Variants in TNRC6B observed in about 807,000 individuals in gnomAD.
The protein encoded by TNRC6B is trinucleotide repeat-containing gene 6B protein.
A neutral mutation model predicts 203.6 loss-of-function variants in TNRC6B; 52 were observed. The ratio of observed to expected loss-of-function variants is 0.26; its 90% CI spans 0.20 to 0.32. TNRC6B has a LOEUF of 0.32. TNRC6B is among the 10% of genes least tolerant of loss of function. The pLI, the probability that TNRC6B is intolerant of heterozygous loss-of-function variation, is 1.00. For missense variants in TNRC6B, 1,923 were observed against 2,286.2 expected (o/e 0.84, Z 3.24); for synonymous variants, 838 against 845.7 (o/e 0.99, Z 0.16).
At chr22:40,191,519 G>A (rs1359832555) in intron 1 of TNRC6B, among the ~76,000 whole-genome samples, 1 of 152,166 alleles carries the variant, frequency 6.6e-6, no homozygotes, top group Non-Finnish European at 1.5e-5. Context: ...CTCTTTGGAG[G>A]AGAGCAGAAG....
chr22:40,228,411 CAA>C (rs975171605), intron 1 of TNRC6B, among the ~76,000 whole-genome samples: 10 of 151,234 alleles, frequency 6.6e-5, no homozygotes, highest in African/African-American at 2.2e-4. Context: ...GCCTGGGCAA[CAA>C]GAGCAAAATT....
chr22:40,176,771 A>G (rs1187982635), upstream of TNRC6B, among the ~76,000 whole-genome samples: 1 of 152,178 alleles, frequency 6.6e-6, no homozygotes. Flanking sequence ...AGTAAAGGAT[A>G]TTATGGGAGT....
At chr22:40,300,775 G>A (rs375239798) in intron 13 of TNRC6B, 135 bp from the exon 14 acceptor site, 9 of 1,211,584 alleles carry the variant, frequency 7.4e-6, no homozygotes, top group Admixed American at 5.0e-5. Flanking sequence ...CCAAGAGACC[G>A]GGAATTTGGT....
At chr22:40,259,515 C>T (rs2070342467) in intron 3 of TNRC6B, among the ~76,000 whole-genome samples, 1 of 152,210 alleles carries the variant, frequency 6.6e-6, no homozygotes, top group Non-Finnish European at 1.5e-5. Context: ...AGCCATCGCG[C>T]CTGGCCGACT....
chr22:40,199,930 GC>G (rs1173472680), intron 1 of TNRC6B, among the ~76,000 whole-genome samples: 2 of 151,986 alleles, frequency 1.3e-5, no homozygotes, highest in Non-Finnish European at 2.9e-5. Flanking sequence ...CTCCCTACTA[GC>G]TGGGATTAAG....
In TNRC6B at chr22:40,265,170, C is replaced by G. The variant is rs1224645631; in HGVS notation, c.940C>G (p.Leu314Val). 6.2e-7 allele frequency: 1 copy of G among 1,613,994 alleles called. No individual in the cohort carries two copies. Among genetic ancestry groups the G allele is most frequent in the Admixed American group, 1.7e-5 (1 of 60,016 alleles). ...TAGCAACCCATCTGCCTGGCCAGCA[C>G]TGGTCCAAGAAGGAACTTCTAGGAA... The part of the protein sequence containing the change: ...PNSNPSAWPA[L>V]VQEGTSRKGA... The change falls in exon 5 of 23, where the codon CTG (leucine) becomes GTG (valine). Residue 314 changes from leucine (L) to valine (V), a missense_variant. This residue lies in a region of TNRC6B where 614 missense variants were observed against 587.7 expected (regional missense o/e 1.04). Transcript: ENST00000454349.
At chr22:40,278,480 C>G (rs1204083332) in intron 9 of TNRC6B, among the ~76,000 whole-genome samples, 1 of 151,428 alleles carries the variant, frequency 6.6e-6, no homozygotes, top group Non-Finnish European at 1.5e-5. Context: ...ATGGCGTGAA[C>G]CCAGGAGGCA....
chr22:40,222,828 C>T (rs923546274), intron 1 of TNRC6B, among the ~76,000 whole-genome samples: 5 of 137,024 alleles, frequency 3.6e-5, no homozygotes, highest in African/African-American at 1.4e-4. Flanking sequence ...GCACCCTTAC[C>T]TTTGCCTCCC....
intron 4 of TNRC6B, among the ~76,000 whole-genome samples, chr22:40,162,284 C>G (rs190050133): frequency 2.6e-4 from 39 of 152,034 alleles, no homozygotes; most frequent in Non-Finnish European, 1.6e-4. Flanking sequence ...TTAGTAGAGA[C>G]GGGGTTTCAC....
At chr22:40,093,870 A>C (rs943247211) in intron 1 of TNRC6B, among the ~76,000 whole-genome samples, 7 of 152,194 alleles carry the variant, frequency 4.6e-5, no homozygotes, top group African/African-American at 1.7e-4. Flanking sequence ...AGATAAAATG[A>C]ATATGATCTA....
intron 1 of TNRC6B, among the ~76,000 whole-genome samples, chr22:40,100,865 A>G (rs2068233891): frequency 6.6e-6 from 1 of 152,216 alleles, no homozygotes; most frequent in South Asian, 2.1e-4. Flanking sequence ...AGTAACACCT[A>G]GAGATAGGTT....
At position 40,204,787 on chromosome 22, in the gene TNRC6B, C is replaced by G. The variant is rs559699274; in HGVS notation, c.5+26647C>G. ...CATTGTTCTGTCTCTGCTGCTGCTG[C>G]TGCTTTTTCTATTTTTAATAAGTTG... On this transcript the variant is annotated intron_variant, in intron 1 of 22. Coordinates refer to ENST00000454349, the MANE Select transcript of TNRC6B (RefSeq NM_001162501.2). Among the ~76,000 whole-genome samples the G allele has an allele frequency of 2.6e-5, 4 of 152,302 alleles. No individual in the cohort carries two copies. The East Asian group carries it at 5.8e-4, about 22-fold the overall frequency.
intron 2 of TNRC6B, among the ~76,000 whole-genome samples, chr22:40,119,094 T>C (rs2068419239): frequency 6.6e-6 from 1 of 152,126 alleles, no homozygotes; most frequent in African/African-American, 2.4e-5. Flanking sequence ...CTTGAAAATA[T>C]TAACATATTT....
intron 2 of TNRC6B, among the ~76,000 whole-genome samples, chr22:40,117,829 T>A (rs2068404279): frequency 6.6e-6 from 1 of 152,170 alleles, no homozygotes; most frequent in Non-Finnish European, 1.5e-5. Context: ...CCTGTTGTTA[T>A]TACAGTAATA....
intron 1 of TNRC6B, among the ~76,000 whole-genome samples, chr22:40,206,207 A>G (rs1394538931): frequency 7.9e-5 from 12 of 152,148 alleles, no homozygotes; most frequent in Non-Finnish European, 2.9e-5. Context: ...AAAATATCTG[A>G]TTTCTGTATG....
chr22:40,082,575 T>C (rs1326542330), intron 1 of TNRC6B, among the ~76,000 whole-genome samples: 2 of 152,234 alleles, frequency 1.3e-5, no homozygotes, highest in Non-Finnish European at 2.9e-5. Flanking sequence ...TGTTGAAGAC[T>C]TACAGCAGGG....
Position 40,266,486 on chromosome 22 carries a change from A to G in TNRC6B, c.2256A>G (p.Glu752=), listed in dbSNP as rs1329685470. ...WSSGKNGWGE[E]VDQTKNSNWE... is the part of the protein sequence containing the mutation. Reference sequence around the variant, plus strand: ...CTGGAAAGAATGGTTGGGGGGAGGAAGTCGATCAGACAAAAAACAGCAATT... The same window carrying G: ...CTGGAAAGAATGGTTGGGGGGAGGAGGTCGATCAGACAAAAAACAGCAATT... Residue 752 remains glutamate, a synonymous_variant, in exon 5 of 23, where the codon GAA becomes GAG. Coordinates refer to ENST00000454349, the MANE Select transcript of TNRC6B (RefSeq NM_001162501.2). 1 of 1,613,790 alleles carries G rather than the reference A, an allele frequency of 6.2e-7. No homozygotes were observed. Among genetic ancestry groups the G allele is most frequent in the African/African-American group, 1.3e-5 (1 of 75,024 alleles).
chr22:40,202,738 G>T (rs2069430210), intron 1 of TNRC6B, among the ~76,000 whole-genome samples: 1 of 152,102 alleles, frequency 6.6e-6, no homozygotes, highest in South Asian at 2.1e-4. Context: ...CATGTGTCGA[G>T]TGCCTGCTGG....
chr22:40,312,556 C>A lies in TNRC6B; in HGVS notation c.4487C>A (p.Ser1496Tyr), dbSNP rs1250157994. ...GGTATCCAAAACATTGACCCTGAAT[C>A]TGACCCCTATGTCACCCCAGGAAGT... ...WKGIQNIDPE[S>Y]DPYVTPGSVL... The change falls in exon 18 of 23, where the codon TCT becomes TAT. Residue 1496 changes from serine to tyrosine, a missense_variant. Physicochemically the swap from Ser to Tyr is moderately radical, Grantham distance 144. Transcript: ENST00000454349. 1.9e-6 allele frequency: 3 copies of A among 1,614,052 alleles called. No individual in the cohort carries two copies. In the South Asian group the frequency reaches 3.3e-5, roughly 18 times the overall value.
Sources: allele counts gnomAD v4.1 joint callset (sites outside exome capture counted in the v4.1 genomes callset), GRCh38; gene constraint gnomAD v4.1.1; regional missense constraint gnomAD v4.1.1; transcripts MANE v1.5; gene names NCBI Gene and HGNC (gene_info 2026-07-23, HGNC 2026-07-21).